TP63: variants seen among roughly 807,000 people sequenced by gnomAD.
The protein encoded by TP63 is tumor protein 63.
A neutral mutation model predicts 82.8 loss-of-function variants in TP63; 17 were observed. The observed-to-expected ratio is 0.21, with a 90% CI of 0.14 to 0.31. The LOEUF is 0.31. Ranked by LOEUF, TP63 falls within the 10% of genes least tolerant of loss-of-function variation. The pLI, the probability that TP63 is intolerant of heterozygous loss-of-function variation, is 1.00. For missense variants in TP63, 648 were observed against 895.3 expected (o/e 0.72, Z 3.52); for synonymous variants, 330 against 321.7 (o/e 1.03, Z -0.28).
chr3:189,644,433 T>C (rs1008198864), intron 1 of TP63, among the ~76,000 whole-genome samples: 9 of 152,194 alleles, frequency 5.9e-5, no homozygotes, highest in African/African-American at 2.2e-4. Flanking sequence ...GAGTTTCTGT[T>C]CACCTACTAG....
intron 3 of TP63, among the ~76,000 whole-genome samples, chr3:189,772,662 C>A (rs1723463508): frequency 6.6e-6 from 1 of 152,166 alleles, no homozygotes; most frequent in African/African-American, 2.4e-5. Context: ...ATTTCTGTCT[C>A]ATTTTCAAGA....
chr3:189,873,315 G>T (rs988887756), intron 10 of TP63: 16 of 405,304 alleles, frequency 3.9e-5, no homozygotes, highest in Non-Finnish European at 4.6e-5. Context: ...CACTCTATTT[G>T]GTAGTGATGT....
At position 189,705,327 on chromosome 3, in the gene TP63, T is replaced by A. The variant is rs569472934; in HGVS notation, c.63-32413T>A. Among the ~76,000 whole-genome samples, 23 of 152,352 alleles carry A rather than the reference T, an allele frequency of 1.5e-4. No homozygotes were observed. The Middle Eastern group carries it at 0.01, about 68-fold the overall frequency. Reference sequence around the variant, plus strand: ...TAGGACCTACCCTATAGGATTAGTATAAGGTCTAAATGAGATAATGCCCAG... The same window carrying A: ...TAGGACCTACCCTATAGGATTAGTAAAAGGTCTAAATGAGATAATGCCCAG... On this transcript the variant is annotated intron_variant, in intron 1 of 13. Transcript: ENST00000264731.
At chr3:189,804,420 A>G (rs1408716514) in intron 3 of TP63, among the ~76,000 whole-genome samples, 1 of 152,216 alleles carries the variant, frequency 6.6e-6, no homozygotes, top group Non-Finnish European at 1.5e-5. Flanking sequence ...ATGCTTTGCT[A>G]TCATCATTTT....
intron 1 of TP63, among the ~76,000 whole-genome samples, chr3:189,733,639 C>A (rs1039517664): frequency 2.0e-5 from 3 of 152,186 alleles, no homozygotes; most frequent in Admixed American, 1.3e-4. Context: ...CTGTTTTTGA[C>A]ATTTGCTATG....
intron 1 of TP63, among the ~76,000 whole-genome samples, chr3:189,649,173 A>G (rs1482466253): frequency 2.0e-5 from 3 of 146,890 alleles, no homozygotes; most frequent in Admixed American, 6.7e-5. Flanking sequence ...GAGGAAAATA[A>G]CAGATATATA....
chr3:189,821,158 T>C (rs1728757295), intron 4 of TP63, among the ~76,000 whole-genome samples: 1 of 152,262 alleles, frequency 6.6e-6, no homozygotes, highest in African/African-American at 2.4e-5. Context: ...TCATGTGTAC[T>C]AGCAGTGGTT....
At chr3:189,672,856 C>G (rs1715047479) in intron 1 of TP63, among the ~76,000 whole-genome samples, 1 of 151,910 alleles carries the variant, frequency 6.6e-6, no homozygotes, top group South Asian at 2.1e-4. Flanking sequence ...ACAGTTAAAC[C>G]TCTAGCAAGA....
intron 1 of TP63, among the ~76,000 whole-genome samples, chr3:189,642,788 A>T (rs1478580790): frequency 1.3e-5 from 2 of 152,118 alleles, no homozygotes. Context: ...GATTTCTATC[A>T]CATGTTCTTT....
chr3:189,784,667 A>G (rs1229816243), intron 3 of TP63, among the ~76,000 whole-genome samples: 1 of 152,122 alleles, frequency 6.6e-6, no homozygotes, highest in Non-Finnish European at 1.5e-5. Context: ...TACAACTGTA[A>G]GATTTACGAC....
chr3:189,735,091 T>C (rs1720481594), intron 1 of TP63, among the ~76,000 whole-genome samples: 1 of 152,168 alleles, frequency 6.6e-6, no homozygotes, highest in African/African-American at 2.4e-5. Context: ...AGTAGGTATT[T>C]TTGAGGTCTT....
intron 3 of TP63, among the ~76,000 whole-genome samples, chr3:189,780,305 C>T (rs942431052): frequency 6.6e-6 from 1 of 152,170 alleles, no homozygotes; most frequent in African/African-American, 2.4e-5. Flanking sequence ...TATTACCCAG[C>T]CCCAAATCAC....
At chr3:189,813,811 T>C (rs148224974) in intron 4 of TP63, among the ~76,000 whole-genome samples, 249 of 152,258 alleles carry the variant, frequency 1.6e-3, no homozygotes, top group Non-Finnish European at 1.8e-3. Flanking sequence ...CTCTCATAAT[T>C]AAAGGAAACA....
intron 1 of TP63, among the ~76,000 whole-genome samples, chr3:189,689,871 G>C (rs1248577128): frequency 6.6e-6 from 1 of 152,162 alleles, no homozygotes; most frequent in Non-Finnish European, 1.5e-5. Context: ...TATAGGACAG[G>C]TAATGGCAGG....
intron 3 of TP63, among the ~76,000 whole-genome samples, chr3:189,740,020 AAT>A (rs1720867974): frequency 6.6e-6 from 1 of 151,838 alleles, no homozygotes; most frequent in Non-Finnish European, 1.5e-5. Flanking sequence ...GGAGAAAGTC[AAT>A]GGGAGAAAGT....
intron 4 of TP63, among the ~76,000 whole-genome samples, chr3:189,816,862 G>A (rs553478834): frequency 4.6e-5 from 7 of 152,102 alleles, no homozygotes; most frequent in South Asian, 2.1e-4. Flanking sequence ...AGCCCCCCAC[G>A]TGAAATTTAA....
intron 10 of TP63, among the ~76,000 whole-genome samples, chr3:189,884,198 C>A (rs563869137): frequency 6.6e-6 from 1 of 152,286 alleles, no homozygotes; most frequent in African/African-American, 2.4e-5. Flanking sequence ...TTGCCCCAAG[C>A]TTTCCTATAC....
At position 189,723,820 on chromosome 3, in the gene TP63, T is replaced by A. The variant is rs564594723; in HGVS notation, c.63-13920T>A. ...AATAGTTGAACATATACTTGTTAGATAGCATTTTATGTTTCTTTTTGTATT... is the reference window on the plus strand; with the variant it reads ...AATAGTTGAACATATACTTGTTAGAAAGCATTTTATGTTTCTTTTTGTATT... On this transcript the variant is annotated intron_variant, in intron 1 of 13. Coordinates refer to ENST00000264731, the MANE Select transcript of TP63 (RefSeq NM_003722.5). Among the ~76,000 whole-genome samples, 89 of 152,356 alleles carry A rather than the reference T, an allele frequency of 5.8e-4. No homozygotes were observed. In the South Asian group the frequency reaches 0.016, roughly 27 times the overall value.
chr3:189,624,376 AC>A, the TP63 span, among the ~76,000 whole-genome samples: 1 of 152,154 alleles, frequency 6.6e-6, no homozygotes, highest in Non-Finnish European at 1.5e-5. Flanking sequence ...TCACAAGCTA[AC>A]TCAAATCATT....
Sources: gnomAD v4.1 joint callset for allele counts (sites outside exome capture counted in the v4.1 genomes callset) on GRCh38, gnomAD v4.1.1 for gene constraint, MANE v1.5 for transcripts, NCBI Gene and HGNC (gene_info 2026-07-23, HGNC 2026-07-21) for gene names.